Variants in PTPRM observed in about 807,000 individuals in gnomAD.
PTPRM encodes the protein protein tyrosine phosphatase receptor type M, also known as receptor-type tyrosine-protein phosphatase mu.
Under a neutral mutation model 186.7 loss-of-function variants are expected in PTPRM, and 47 were observed. The ratio of observed to expected loss-of-function variants is 0.25; its 90% confidence interval spans 0.20 to 0.32. The LOEUF is 0.32. Ranked by LOEUF, PTPRM falls within the 10% of genes least tolerant of loss-of-function variation. The pLI is 1.00. For synonymous variants in PTPRM, 668 were observed against 674.9 expected (o/e 0.99, Z 0.16); for missense variants, 1,494 against 1,865.0 (o/e 0.80, Z 3.66).
At chr18:7,813,572 G>T (rs2044644471) in intron 2 of PTPRM, among the ~76,000 whole-genome samples, 1 of 152,010 alleles carries the variant, frequency 6.6e-6, no homozygotes, top group African/African-American at 2.4e-5. Context: ...GGAACTTCGT[G>T]GGCCTTCTGG....
At chr18:8,105,165 C>T (rs1190061014) in intron 11 of PTPRM, among the ~76,000 whole-genome samples, 1 of 152,120 alleles carries the variant, frequency 6.6e-6, no homozygotes, top group Non-Finnish European at 1.5e-5. Context: ...AAAACTTCAG[C>T]CTGCTTTTTA....
At chr18:8,024,858 T>A (rs536621748) in intron 7 of PTPRM, among the ~76,000 whole-genome samples, 16 of 151,866 alleles carry the variant, frequency 1.1e-4, no homozygotes, top group African/African-American at 3.9e-4. Flanking sequence ...TAATTTGTGT[T>A]GTTTTAGGAG....
At chr18:8,108,827 T>G (rs2091635985) in intron 11 of PTPRM, among the ~76,000 whole-genome samples, 1 of 152,226 alleles carries the variant, frequency 6.6e-6, no homozygotes, top group Admixed American at 6.5e-5. Flanking sequence ...GGATTGTGCT[T>G]TTAATATCGC....
intron 7 of PTPRM, among the ~76,000 whole-genome samples, chr18:8,022,925 G>C (rs1279954579): frequency 2.0e-5 from 3 of 152,180 alleles, no homozygotes; most frequent in African/African-American, 7.2e-5. Flanking sequence ...GGAGAGGGCA[G>C]AAGAGAAGTG....
chr18:8,267,250 CA>C (rs1417147252), intron 19 of PTPRM, among the ~76,000 whole-genome samples: 1 of 151,986 alleles, frequency 6.6e-6, no homozygotes, highest in African/African-American at 2.4e-5. Context: ...ACTATAAATC[CA>C]ATTAACATAA....
At chr18:8,033,538 C>A (rs2086131608) in intron 7 of PTPRM, among the ~76,000 whole-genome samples, 1 of 152,182 alleles carries the variant, frequency 6.6e-6, no homozygotes, top group South Asian at 2.1e-4. Context: ...CAAACCTGCA[C>A]AGCATGTGAC....
chr18:8,211,414 A>T, intron 14 of PTPRM, among the ~76,000 whole-genome samples: 1 of 126,136 alleles, frequency 7.9e-6, no homozygotes. Flanking sequence ...TTTGTTTCTA[A>T]GACAGAGTCT....
In PTPRM at chr18:8,161,045, T is replaced by C. The variant is rs143549690; in HGVS notation, c.2300+17266T>C. Among the ~76,000 whole-genome samples, 280 of 152,308 alleles carry C rather than the reference T, an allele frequency of 1.8e-3. 1 individual carries two copies. The highest frequency in any genetic ancestry group is 2.5e-3 in the African/African-American group (103 of 41,574). On this transcript the variant is annotated intron_variant, in intron 14 of 32. Transcript: ENST00000580170. ...AGAAATTGGCCACTCTCTAAAGATA[T>C]GTTCAGCTATCAATGACTAATTCTT...
intron 13 of PTPRM, among the ~76,000 whole-genome samples, chr18:8,126,027 A>ATATATATATTTTTTTTTTTT (rs57751538): frequency 1.4e-5 from 1 of 69,538 alleles, no homozygotes; most frequent in Non-Finnish European, 2.8e-5. Context: ...ATATATATAT[A>ATATATATATTTTTTTTTTTT]TTTTAAATCA....
At chr18:7,595,096 C>T (rs78979970) in intron 1 of PTPRM, among the ~76,000 whole-genome samples, 14,789 of 152,104 alleles carry the variant, frequency 0.097, 1,018 homozygotes, top group South Asian at 0.19. Context: ...CTGATGTTGA[C>T]AGAAGACAAG....
In PTPRM at chr18:8,040,346, T is replaced by C. The variant is rs1159477661; in HGVS notation, c.1133-29340T>C. Among the ~76,000 whole-genome samples the C allele has an allele frequency of 2.0e-5, 3 of 152,180 alleles. No homozygotes were observed. The East Asian group carries it at 5.8e-4, about 29-fold the overall frequency. ...CCAGGTCCAGGGGCACTAATCCTGC[T>C]TCCTGTAGGATGGTTGGGTATGACA... On this transcript the variant is annotated intron_variant, in intron 7 of 32. Coordinates refer to ENST00000580170, the MANE Select transcript of PTPRM (RefSeq NM_001105244.2).
At chr18:8,035,589 A>G (rs2086271631) in intron 7 of PTPRM, among the ~76,000 whole-genome samples, 1 of 151,914 alleles carries the variant, frequency 6.6e-6, no homozygotes, top group South Asian at 2.1e-4. Context: ...TTTTCCCCCA[A>G]TATTTTTGGA....
intron 1 of PTPRM, among the ~76,000 whole-genome samples, chr18:7,633,947 A>G (rs2144105943): frequency 6.6e-6 from 1 of 152,194 alleles, no homozygotes; most frequent in Admixed American, 6.5e-5. Context: ...TAGTCTGACC[A>G]TTCCAAAATA....
chr18:8,314,139 G>A lies in PTPRM; in HGVS notation c.2843-642G>A, dbSNP rs2095290474. Among the ~76,000 whole-genome samples, 5 of 152,206 alleles carry A rather than the reference G, an allele frequency of 3.3e-5. No homozygotes were observed. In the South Asian group the frequency reaches 1.0e-3, roughly 32 times the overall value. On this transcript the variant is annotated intron_variant, in intron 20 of 32. Transcript: ENST00000580170. ...AATATGAGCCCTCTATAGTACTTAT[G>A]TGTCAATTTGTGTTTTCATTGAATC...
chr18:8,321,636 T>C (rs1487203975), intron 22 of PTPRM, among the ~76,000 whole-genome samples: 2 of 152,188 alleles, frequency 1.3e-5, no homozygotes, highest in East Asian at 3.9e-4. Context: ...AGAAGGGCAT[T>C]GACTAATGCC....
intron 3 of PTPRM, among the ~76,000 whole-genome samples, chr18:7,902,192 A>G (rs1441697440): frequency 6.6e-6 from 1 of 152,240 alleles, no homozygotes; most frequent in Non-Finnish European, 1.5e-5. Context: ...AATTAAACTC[A>G]GAGGGGGCAG....
chr18:7,953,102 T>C (rs1449409008), intron 6 of PTPRM, among the ~76,000 whole-genome samples: 2 of 152,258 alleles, frequency 1.3e-5, no homozygotes, highest in South Asian at 2.1e-4. Context: ...CAGGTTCTAG[T>C]TGAATACTTC....
At chr18:8,074,013 T>A (rs2089651347) in intron 8 of PTPRM, among the ~76,000 whole-genome samples, 1 of 152,218 alleles carries the variant, frequency 6.6e-6, no homozygotes, top group Non-Finnish European at 1.5e-5. Flanking sequence ...CATTTATTAG[T>A]CTTAAGTCAG....
chr18:7,691,555 A>G (rs2039732965), intron 1 of PTPRM, among the ~76,000 whole-genome samples: 1 of 152,100 alleles, frequency 6.6e-6, no homozygotes, highest in African/African-American at 2.4e-5. Flanking sequence ...CTAACTGCAT[A>G]TTAAAATCAG....
Sources: gnomAD v4.1 joint callset for allele counts (sites outside exome capture counted in the v4.1 genomes callset) on GRCh38, gnomAD v4.1.1 for gene constraint, MANE v1.5 for transcripts, NCBI Gene and HGNC (gene_info 2026-07-23, HGNC 2026-07-21) for gene names.